SNX29: variants seen among roughly 807,000 people sequenced by gnomAD.
SNX29 encodes sorting nexin-29.
In SNX29, 78 loss-of-function variants were observed where a neutral mutation model predicts 102.1. The observed-to-expected ratio is 0.76, with a 90% CI of 0.64 to 0.92. The LOEUF is 0.92. SNX29 is among the 40% of genes least tolerant of loss of function. SNX29 has a pLI of 0.00. For synonymous variants in SNX29, 580 were observed against 414.5 expected (o/e 1.40, Z -4.85); for missense variants, 1,280 against 1,061.7 (o/e 1.21, Z -2.86).
At chr16:12,564,891 G>T in intron 20 of SNX29, among the ~76,000 whole-genome samples, 1 of 150,874 alleles carries the variant, frequency 6.6e-6, no homozygotes, top group Non-Finnish European at 1.5e-5. Flanking sequence ...GGATCCTGTG[G>T]GGAGGAGGCA....
At chr16:12,295,163 A>C (rs2079937324) in intron 15 of SNX29, among the ~76,000 whole-genome samples, 1 of 152,244 alleles carries the variant, frequency 6.6e-6, no homozygotes, top group African/African-American at 2.4e-5. Flanking sequence ...CTACAAGTCA[A>C]GATGAGATTT....
Position 12,573,172 on chromosome 16 carries a change from G to A in SNX29, c.*4543G>A. On this transcript the variant is annotated 3_prime_UTR_variant, in exon 21 of 21. Transcript: ENST00000566228. ...CAGCTCCTTGGTCAATAGAAGTAAG[G>A]GTGTAGCCATCCAGGGTCTCCCGGC... is the stretch of plus-strand genomic sequence containing the variant. 4.4e-6 allele frequency: 1 copy of A among 226,158 alleles called. No individual in the cohort carries two copies. The highest frequency in any genetic ancestry group is 1.8e-4 in the South Asian group (1 of 5,458). The allele number at this position is 226,158 out of a possible 1,614,324, so 14.0% of individuals were successfully genotyped here. A position where few individuals can be genotyped will look rare whatever the true frequency, so the allele number is the denominator to read the frequency against.
intron 15 of SNX29, among the ~76,000 whole-genome samples, chr16:12,334,228 G>A (rs1027400534): frequency 1.5e-4 from 23 of 152,182 alleles, no homozygotes; most frequent in African/African-American, 5.5e-4. Context: ...GGGATGGCAT[G>A]TTTTGAAACA....
At chr16:12,212,453 A>G (rs898019278) in intron 14 of SNX29, among the ~76,000 whole-genome samples, 1 of 152,066 alleles carries the variant, frequency 6.6e-6, no homozygotes, top group Non-Finnish European at 1.5e-5. Flanking sequence ...GGAAGTGTTA[A>G]TAGAACTGGA....
chr16:12,551,817 C>G (rs1259843393), intron 20 of SNX29, among the ~76,000 whole-genome samples: 1 of 152,206 alleles, frequency 6.6e-6, no homozygotes, highest in Non-Finnish European at 1.5e-5. Context: ...GTATCCCCGC[C>G]TCAGTTTTGT....
chr16:12,538,072 C>T (rs537318832), intron 20 of SNX29, among the ~76,000 whole-genome samples: 1 of 151,352 alleles, frequency 6.6e-6, no homozygotes, highest in Admixed American at 6.6e-5. Flanking sequence ...TGACAGCTTT[C>T]TTCTCAGTGG....
chr16:12,274,935 C>A (rs1251148609), intron 14 of SNX29, among the ~76,000 whole-genome samples: 2 of 151,934 alleles, frequency 1.3e-5, no homozygotes, highest in Non-Finnish European at 2.9e-5. Context: ...ACACTGTCTC[C>A]TCCTCTCTCT....
chr16:12,017,421 A>G (rs1222534706), intron 3 of SNX29, among the ~76,000 whole-genome samples: 1 of 152,262 alleles, frequency 6.6e-6, no homozygotes, highest in African/African-American at 2.4e-5. Flanking sequence ...ATCCATTTGT[A>G]GAAACAGAGT....
intron 3 of SNX29, among the ~76,000 whole-genome samples, chr16:12,022,985 C>A (rs1306260874): frequency 2.0e-5 from 3 of 151,466 alleles, no homozygotes; most frequent in African/African-American, 7.3e-5. Flanking sequence ...CAACCTATGC[C>A]CCCTGGGTCC....
At chr16:12,524,052 T>C (rs1417601181) in intron 19 of SNX29, among the ~76,000 whole-genome samples, 1 of 152,086 alleles carries the variant, frequency 6.6e-6, no homozygotes, top group Non-Finnish European at 1.5e-5. Flanking sequence ...CTGGCTAATT[T>C]TGTATTTTTA....
At chr16:12,380,403 CCACCCACCCACCCACCCCTCATCCA>C in intron 16 of SNX29, among the ~76,000 whole-genome samples, 1 of 104,746 alleles carries the variant, frequency 9.5e-6, no homozygotes, top group Non-Finnish European at 2.0e-5. Flanking sequence ...CCTCATCCAT[CCACCCACCCACCCACCCCTCATCCA>C]TCCACCTAGC....
chr16:12,360,654 C>T (rs1470748933), intron 16 of SNX29, among the ~76,000 whole-genome samples: 1 of 152,140 alleles, frequency 6.6e-6, no homozygotes, highest in East Asian at 1.9e-4. Context: ...TCCCCCCACC[C>T]CCTACCGTAT....
At chr16:12,501,065 C>T (rs542389511) in intron 19 of SNX29, among the ~76,000 whole-genome samples, 1 of 152,280 alleles carries the variant, frequency 6.6e-6, no homozygotes, top group South Asian at 2.1e-4. Context: ...GCAGGCAAGG[C>T]TCCAGGCTCT....
chr16:12,386,073 C>G (rs1010990634), intron 16 of SNX29, among the ~76,000 whole-genome samples: 1 of 152,220 alleles, frequency 6.6e-6, no homozygotes, highest in African/African-American at 2.4e-5. Flanking sequence ...TGGTCTTAGA[C>G]TGGCTGCACA....
intron 2 of SNX29, among the ~76,000 whole-genome samples, chr16:11,999,637 C>T (rs1472244087): frequency 6.6e-6 from 1 of 152,184 alleles, no homozygotes; most frequent in Admixed American, 6.5e-5. Flanking sequence ...TGCAGTGGCT[C>T]ACGCCTGTAA....
intron 20 of SNX29, among the ~76,000 whole-genome samples, chr16:12,534,818 A>G (rs1232221988): frequency 6.6e-6 from 1 of 152,136 alleles, no homozygotes; most frequent in Non-Finnish European, 1.5e-5. Context: ...CCCCAGTTCC[A>G]GGCACAGCTG....
chr16:12,261,084 A>C (rs2078737279), intron 14 of SNX29, among the ~76,000 whole-genome samples: 1 of 136,648 alleles, frequency 7.3e-6, no homozygotes, highest in African/African-American at 2.8e-5. Context: ...GGCTGGAGTG[A>C]GTGTTTGCTG....
intron 11 of SNX29, chr16:12,088,107 T>G (rs910469500): frequency 1.1e-4 from 52 of 456,458 alleles, no homozygotes; most frequent in African/African-American, 1.0e-3. Context: ...GGTCCTGCCG[T>G]GGGTGTCTGA....
Position 12,568,803 on chromosome 16 carries a change from G to A in SNX29, c.*174G>A, listed in dbSNP as rs1003184431. 2.6e-5 allele frequency: 27 copies of A among 1,025,660 alleles called. 1 individual carries two copies. The highest frequency in any genetic ancestry group is 5.7e-5 in the Admixed American group (2 of 35,178). The allele number at this position is 1,025,660 out of a possible 1,614,324, so 63.5% of individuals were successfully genotyped here. A position where few individuals can be genotyped will look rare whatever the true frequency, so the allele number is the denominator to read the frequency against. On this transcript the variant is annotated 3_prime_UTR_variant, in exon 21 of 21. Transcript: ENST00000566228. ...GATTAAACTAATCAGTCTTCGAGCC[G>A]CATGATACCGTGACCCGAGAGACCA...
Sources: allele counts gnomAD v4.1 joint callset (sites outside exome capture counted in the v4.1 genomes callset), GRCh38; gene constraint gnomAD v4.1.1; transcripts MANE v1.5; gene names NCBI Gene and HGNC (gene_info 2026-07-23, HGNC 2026-07-21).